The following DLGAP4 variants were observed in gnomAD, a reference collection of about 807,000 sequenced individuals.
DLGAP4 encodes disks large-associated protein 4.
Under a neutral mutation model 86.9 loss-of-function variants are expected in DLGAP4, and 18 were observed. The ratio of observed to expected loss-of-function variants is 0.21; its 90% CI spans 0.14 to 0.31. The LOEUF is 0.31. DLGAP4 is among the 10% of genes least tolerant of loss of function. The pLI, the probability that DLGAP4 is intolerant of heterozygous loss-of-function variation, is 1.00. For missense variants in DLGAP4, 1,085 were observed against 1,362.6 expected (o/e 0.80, Z 3.21); for synonymous variants, 548 against 574.3 (o/e 0.95, Z 0.65).
intron 5 of DLGAP4, among the ~76,000 whole-genome samples, chr20:36,442,003 C>T (rs1468477929): frequency 2.0e-5 from 3 of 152,190 alleles, no homozygotes; most frequent in East Asian, 1.9e-4. Flanking sequence ...TGACCCCTCA[C>T]AGCCTCAACT....
intron 1 of DLGAP4, among the ~76,000 whole-genome samples, chr20:36,364,036 G>A (rs550147259): frequency 6.6e-6 from 1 of 152,300 alleles, no homozygotes; most frequent in African/African-American, 2.4e-5. Flanking sequence ...AGGACCACAG[G>A]TTCCCAGAGG....
At chr20:36,401,169 C>T (rs538953295) in intron 2 of DLGAP4, among the ~76,000 whole-genome samples, 2 of 152,152 alleles carry the variant, frequency 1.3e-5, no homozygotes, top group South Asian at 2.1e-4. Flanking sequence ...CAGAGGCTGC[C>T]GCTCCCTGAG....
chr20:36,357,688 C>T (rs191631922), intron 1 of DLGAP4, among the ~76,000 whole-genome samples: 58 of 152,198 alleles, frequency 3.8e-4, no homozygotes, highest in Non-Finnish European at 6.9e-4. Context: ...ACGATGAGGT[C>T]GGAGAATGGT....
rs923717318 is a variant in DLGAP4, at chr20:36,306,772, G to T, written c.-304+260G>T. The stretch of plus-strand genomic sequence containing the variant: ...TGTCTCCCCGGACCCTCAAATCGGG[G>T]GCGGCGGCACCGGGGCCCGGAACCC... On this transcript the variant is annotated intron_variant, in intron 1 of 12. Coordinates refer to ENST00000339266, the MANE Select transcript of DLGAP4 (RefSeq NM_001365621.2). The surrounding 1 kb of genome is among the most constrained non-coding windows in gnomAD (Gnocchi z 4.9). Among the ~76,000 whole-genome samples the T allele has an allele frequency of 6.6e-6, 1 of 152,184 alleles. No homozygotes were observed.
chr20:36,501,385 C>T (rs767164909), intron 10 of DLGAP4, among the ~76,000 whole-genome samples: 2 of 152,200 alleles, frequency 1.3e-5, no homozygotes, highest in Non-Finnish European at 2.9e-5. Context: ...TTACTGAGTG[C>T]TTCCTGTGTG....
intron 7 of DLGAP4, among the ~76,000 whole-genome samples, chr20:36,469,366 A>T (rs2147655918): frequency 6.6e-6 from 1 of 152,110 alleles, no homozygotes; most frequent in African/African-American, 2.4e-5. Context: ...CCTGTGGCTT[A>T]GGTCTAGACT....
At chr20:36,327,384 G>A (rs1555891074) in intron 1 of DLGAP4, among the ~76,000 whole-genome samples, 3 of 151,886 alleles carry the variant, frequency 2.0e-5, no homozygotes, top group Admixed American at 6.6e-5. Context: ...TTGTCCTTGG[G>A]TTCATTTAGT....
At chr20:36,339,114 A>T (rs552456519) in intron 1 of DLGAP4, among the ~76,000 whole-genome samples, 2 of 152,172 alleles carry the variant, frequency 1.3e-5, no homozygotes, top group East Asian at 3.9e-4. Flanking sequence ...TTTGAGATGG[A>T]GTCTTGCTCT....
At position 36,431,842 on chromosome 20, in the gene DLGAP4, G is replaced by A. The variant is rs762577016; in HGVS notation, c.125G>A (p.Arg42His). Residue 42 changes from arginine (R) to histidine (H), a missense_variant, in exon 3 of 13, where the codon CGC becomes CAC. Arg to His is a conservative substitution (Grantham distance 29, BLOSUM62 0). Coordinates refer to ENST00000339266, the MANE Select transcript of DLGAP4 (RefSeq NM_001365621.2). The surrounding 1 kb of genome is among the most constrained non-coding windows in gnomAD (Gnocchi z 5.1). Reference protein sequence around the residue: ...YLLSPTEAFAREARFPGQNTL... With the variant: ...YLLSPTEAFAHEARFPGQNTL... ...CTGTCGCCCACGGAGGCCTTCGCCCGCGAGGCCCGCTTCCCCGGGCAGAAC... is the reference window on the plus strand; with the variant it reads ...CTGTCGCCCACGGAGGCCTTCGCCCACGAGGCCCGCTTCCCCGGGCAGAAC... The A allele has an allele frequency of 2.5e-5, 40 of 1,613,754 alleles. No homozygotes were observed. Among genetic ancestry groups the A allele is most frequent in the African/African-American group, 6.7e-5 (5 of 74,898 alleles).
intron 6 of DLGAP4, among the ~76,000 whole-genome samples, chr20:36,443,573 A>G (rs576681587): frequency 6.6e-6 from 1 of 152,198 alleles, no homozygotes; most frequent in South Asian, 2.1e-4. Flanking sequence ...TGAACACATG[A>G]TTCAAGAAGT....
At chr20:36,317,235 CTT>C (rs1246826436) in intron 1 of DLGAP4, among the ~76,000 whole-genome samples, 1 of 45,098 alleles carries the variant, frequency 2.2e-5, no homozygotes. Flanking sequence ...TTCTTTCTTT[CTT>C]TCTTTCTTTC....
rs1407356813 is a variant in DLGAP4, at chr20:36,401,544, G to T, written c.-72-30102G>T. On this transcript the variant is annotated intron_variant, in intron 2 of 12. Coordinates refer to ENST00000339266, the MANE Select transcript of DLGAP4 (RefSeq NM_001365621.2). The stretch of plus-strand genomic sequence containing the variant: ...TTGCCCTTCCTGCTTCTCCCCCAGT[G>T]CCCTAGTGCTGAGCAAGGAAGTTCA... Among the ~76,000 whole-genome samples the T allele has an allele frequency of 2.0e-5, 3 of 152,170 alleles. No individual in the cohort carries two copies. The East Asian group carries it at 5.8e-4, about 29-fold the overall frequency.
At chr20:36,461,468 G>GT (rs1184017215) in intron 7 of DLGAP4, 1 of 980,856 alleles carries the variant, frequency 1.0e-6, no homozygotes, top group Non-Finnish European at 1.2e-6. Context: ...CCCCTCGGGC[G>GT]TACAAAACCG....
At chr20:36,395,209 C>T (rs907607694) in intron 2 of DLGAP4, among the ~76,000 whole-genome samples, 1 of 152,200 alleles carries the variant, frequency 6.6e-6, no homozygotes, top group Non-Finnish European at 1.5e-5. Context: ...CTGACCCTAT[C>T]ACACTGCATT....
intron 1 of DLGAP4, among the ~76,000 whole-genome samples, chr20:36,311,836 C>A (rs993707421): frequency 6.6e-6 from 1 of 152,164 alleles, no homozygotes; most frequent in South Asian, 2.1e-4. Flanking sequence ...GGGCTTTGGA[C>A]GTAAGTCAGT....
At chr20:36,437,128 C>T (rs1335101804) in intron 4 of DLGAP4, among the ~76,000 whole-genome samples, 1 of 152,188 alleles carries the variant, frequency 6.6e-6, no homozygotes, top group East Asian at 1.9e-4. Context: ...GATCCAGGCC[C>T]CCTAAGTGAA....
At chr20:36,381,517 A>T (rs1359346070) in intron 2 of DLGAP4, among the ~76,000 whole-genome samples, 1 of 152,252 alleles carries the variant, frequency 6.6e-6, no homozygotes, top group Non-Finnish European at 1.5e-5. Context: ...GCCTCCCTTC[A>T]GAAGAAGCAG....
chr20:36,519,140 G>A (rs903390097), intron 10 of DLGAP4, among the ~76,000 whole-genome samples: 10 of 151,486 alleles, frequency 6.6e-5, no homozygotes, highest in African/African-American at 1.9e-4. Context: ...TTAGCTGGGC[G>A]TGGTGGTGCA....
intron 2 of DLGAP4, among the ~76,000 whole-genome samples, chr20:36,410,149 C>A (rs2032457508): frequency 6.6e-6 from 1 of 152,168 alleles, no homozygotes; most frequent in South Asian, 2.1e-4. Flanking sequence ...ATTCTTGGAC[C>A]CCTCTTTTAG....
Sources: allele counts gnomAD v4.1 joint callset (sites outside exome capture counted in the v4.1 genomes callset), GRCh38; gene constraint gnomAD v4.1.1; non-coding constraint Gnocchi (gnomAD v3.1); transcripts MANE v1.5; gene names NCBI Gene and HGNC (gene_info 2026-07-23, HGNC 2026-07-21).